GUCY1A2: variants seen among roughly 807,000 people sequenced by gnomAD.
The protein encoded by GUCY1A2 is guanylate cyclase 1 soluble subunit alpha 2.
Under a neutral mutation model 63.5 loss-of-function variants are expected in GUCY1A2, and 27 were observed. The observed-to-expected ratio is 0.43, with a 90% CI of 0.31 to 0.59. The LOEUF (loss-of-function observed/expected upper bound fraction) is 0.59, where lower values mean the gene tolerates loss of function less well. Among genes scored for constraint, GUCY1A2 ranks in the 20% least tolerant of loss-of-function variants. GUCY1A2 has a pLI of 0.11. For missense variants in GUCY1A2, 768 were observed against 913.3 expected (o/e 0.84, Z 2.05); for synonymous variants, 364 against 343.5 (o/e 1.06, Z -0.66).
intron 6 of GUCY1A2, among the ~76,000 whole-genome samples, chr11:106,766,418 A>G (rs547443894): frequency 1.3e-5 from 2 of 152,130 alleles, no homozygotes; most frequent in East Asian, 3.9e-4. Context: ...TTCTATTTCT[A>G]TGTGTTTGTA....
At chr11:106,821,655 A>G (rs921790041) in intron 4 of GUCY1A2, among the ~76,000 whole-genome samples, 36 of 152,196 alleles carry the variant, frequency 2.4e-4, no homozygotes, top group Admixed American at 4.6e-4. Context: ...ACAATTCTGC[A>G]CAAAGCACTA....
chr11:106,757,872 C>A (rs1271895580), intron 6 of GUCY1A2, among the ~76,000 whole-genome samples: 1 of 152,166 alleles, frequency 6.6e-6, no homozygotes, highest in Non-Finnish European at 1.5e-5. Context: ...TAACAGAGCT[C>A]GAATGTGGTG....
In GUCY1A2 at chr11:106,675,836, G is replaced by T; in HGVS notation, c.*11713C>A. On this transcript the variant is annotated 3_prime_UTR_variant, in exon 8 of 8. Transcript: ENST00000526355. ...CACAATTTCAAAATAAGTCAGTATA[G>T]GATAAACAAAAGTTAACAGAGAAAT... 5.4e-6 allele frequency: 1 copy of T among 186,896 alleles called. No homozygotes were observed. The highest frequency in any genetic ancestry group is 6.2e-5 in the Admixed American group (1 of 16,132). The allele number at this position is 186,896 out of a possible 1,614,324, so 11.6% of individuals were successfully genotyped here. A position where few individuals can be genotyped will look rare whatever the true frequency, so the allele number is the denominator to read the frequency against.
rs1864565271 is a variant in GUCY1A2 at position 106,786,902 on chromosome 11, C to T, written c.1693-10320G>A. Among the ~76,000 whole-genome samples the T allele has an allele frequency of 3.9e-5, 6 of 152,086 alleles. 1 individual carries two copies. The highest frequency in any genetic ancestry group is 3.9e-4 in the Admixed American group (6 of 15,270). ...CACTCTTTAGAAAATAATATTGAGT[C>T]TATTATTTTTCAAGGATTTCTGATT... On this transcript the variant is annotated intron_variant, in intron 5 of 7. Coordinates refer to ENST00000526355, the MANE Select transcript of GUCY1A2 (RefSeq NM_000855.3).
chr11:106,727,581 A>T (rs1003301553), intron 6 of GUCY1A2, among the ~76,000 whole-genome samples: 4 of 152,188 alleles, frequency 2.6e-5, no homozygotes, highest in Admixed American at 1.3e-4. Context: ...CACATTTTTC[A>T]AGGACTCCTT....
intron 6 of GUCY1A2, among the ~76,000 whole-genome samples, chr11:106,742,828 A>T (rs984888027): frequency 6.6e-6 from 1 of 152,198 alleles, no homozygotes; most frequent in Admixed American, 6.5e-5. Flanking sequence ...TTTCAAATGG[A>T]TGAATTTTCA....
At chr11:106,915,136 C>A (rs971931510) in intron 4 of GUCY1A2, among the ~76,000 whole-genome samples, 2 of 152,086 alleles carry the variant, frequency 1.3e-5, no homozygotes, top group Non-Finnish European at 2.9e-5. Flanking sequence ...TTATACAGAT[C>A]AGAAACTTGG....
intron 3 of GUCY1A2, among the ~76,000 whole-genome samples, chr11:106,961,777 G>GT (rs929378054): frequency 6.6e-6 from 1 of 151,872 alleles, no homozygotes; most frequent in South Asian, 2.1e-4. Context: ...TACATAGTTT[G>GT]TTTTTTTTCT....
intron 7 of GUCY1A2, among the ~76,000 whole-genome samples, chr11:106,698,424 G>C (rs538417979): frequency 6.6e-6 from 1 of 151,950 alleles, no homozygotes; most frequent in African/African-American, 2.4e-5. Context: ...GCCTGGTCTG[G>C]ATGTCAGAAC....
chr11:106,954,102 T>A (rs932093374), intron 3 of GUCY1A2, among the ~76,000 whole-genome samples: 1 of 152,178 alleles, frequency 6.6e-6, no homozygotes, highest in Non-Finnish European at 1.5e-5. Context: ...TTAATTGTGA[T>A]GTTAGGGTGT....
rs557608907 is a variant in GUCY1A2 at position 106,959,282 on chromosome 11, G to A, written c.488-19104C>T. Among the ~76,000 whole-genome samples the A allele has an allele frequency of 5.9e-5, 9 of 152,206 alleles. No homozygotes were observed. The East Asian group carries it at 1.5e-3, about 26-fold the overall frequency. ...ATACATGAATTCTTTCATTATTTTA[G>A]AGGAAACTATCATCTGTTTGGTTTC... On this transcript the variant is annotated intron_variant, in intron 3 of 7. Coordinates refer to ENST00000526355, the MANE Select transcript of GUCY1A2 (RefSeq NM_000855.3).
At chr11:106,889,460 G>A (rs1280138956) in intron 4 of GUCY1A2, among the ~76,000 whole-genome samples, 6 of 152,016 alleles carry the variant, frequency 3.9e-5, no homozygotes, top group Non-Finnish European at 8.8e-5. Flanking sequence ...AACCCCTCAC[G>A]TCTCAAGCAT....
chr11:106,936,854 C>A, intron 4 of GUCY1A2: 1 of 519,912 alleles, frequency 1.9e-6, no homozygotes, highest in Non-Finnish European at 3.4e-6. Context: ...TTATAAAAGC[C>A]AACTAAAAAA....
chr11:106,746,374 C>T (rs886938667), intron 6 of GUCY1A2, among the ~76,000 whole-genome samples: 1 of 152,034 alleles, frequency 6.6e-6, no homozygotes, highest in African/African-American at 2.4e-5. Flanking sequence ...TACATATGCT[C>T]TAAATAATAT....
intron 1 of GUCY1A2, among the ~76,000 whole-genome samples, chr11:107,004,483 C>T (rs1861647481): frequency 6.6e-6 from 1 of 152,032 alleles, no homozygotes; most frequent in African/African-American, 2.4e-5. Flanking sequence ...TTTCCAAGCC[C>T]TAAGGCTTCC....
At chr11:106,775,782 G>C (rs1220806645) in intron 6 of GUCY1A2, among the ~76,000 whole-genome samples, 2 of 135,590 alleles carry the variant, frequency 1.5e-5, no homozygotes, top group African/African-American at 2.7e-5. Flanking sequence ...CCAAATATAA[G>C]ATTTCTGATT....
At chr11:106,920,895 T>C (rs957475401) in intron 4 of GUCY1A2, among the ~76,000 whole-genome samples, 7 of 152,144 alleles carry the variant, frequency 4.6e-5, no homozygotes, top group African/African-American at 1.2e-4. Flanking sequence ...CAGTAGCTAC[T>C]GGAAAGCAAT....
chr11:106,738,807 G>T (rs1332699188), intron 6 of GUCY1A2, among the ~76,000 whole-genome samples: 1 of 152,096 alleles, frequency 6.6e-6, no homozygotes, highest in Non-Finnish European at 1.5e-5. Flanking sequence ...TTGTAGTATT[G>T]TTTGAAGTCA....
At chr11:107,017,102 G>A (rs1182235397) in intron 1 of GUCY1A2, among the ~76,000 whole-genome samples, 1 of 151,680 alleles carries the variant, frequency 6.6e-6, no homozygotes, top group Non-Finnish European at 1.5e-5. Context: ...ATGCCTAGTG[G>A]ATAAGAAAGA....
Sources: allele counts gnomAD v4.1 joint callset (sites outside exome capture counted in the v4.1 genomes callset), GRCh38; gene constraint gnomAD v4.1.1; transcripts MANE v1.5; gene names NCBI Gene and HGNC (gene_info 2026-07-23, HGNC 2026-07-21).